The following RIF1 variants were observed in gnomAD, a reference collection of about 807,000 sequenced individuals.
RIF1 encodes replication timing regulatory factor 1, also known as telomere-associated protein RIF1.
In RIF1, 45 loss-of-function variants were observed where a neutral mutation model predicts 247.1. That is an observed-to-expected ratio of 0.18 (90% CI 0.14 to 0.23). The LOEUF (loss-of-function observed/expected upper bound fraction) is 0.23. RIF1 is among the 10% of genes least tolerant of loss of function. The probability of loss-of-function intolerance (pLI) is 1.00; values close to 1 mark genes in which losing one functional copy is unlikely to be tolerated. For synonymous variants in RIF1, 1,087 were observed against 978.8 expected, an observed-to-expected ratio of 1.11 and a Z score of -2.06; for missense variants, 2,967 against 2,862.5, an observed-to-expected ratio of 1.04 and a Z score of -0.83.
chr2:151,443,385 G>A (rs989123319), intron 17 of RIF1, 56 bp downstream of exon 17: 1 of 1,326,768 alleles, frequency 7.5e-7, no homozygotes, highest in African/African-American at 1.5e-5. Flanking sequence ...TAATGAATGA[G>A]ATTATTTATG....
chr2:151,418,640 C>T (rs1316236717), intron 6 of RIF1, among the ~76,000 whole-genome samples: 1 of 151,934 alleles, frequency 6.6e-6, no homozygotes, highest in Admixed American at 6.6e-5. Context: ...TTTGGGAGGC[C>T]CAGGTGGGTG....
intron 20 of RIF1, among the ~76,000 whole-genome samples, chr2:151,449,911 C>T (rs966043864): frequency 1.7e-4 from 25 of 148,538 alleles, no homozygotes; most frequent in Admixed American, 1.2e-3. Flanking sequence ...GGTGCGATCT[C>T]GGCTCACTGC....
At chr2:151,501,962 AC>A in intron 11 of RIF1, among the ~76,000 whole-genome samples, 1 of 152,236 alleles carries the variant, frequency 6.6e-6, no homozygotes, top group East Asian at 1.9e-4. Context: ...TACATAGCAT[AC>A]AAAAAATAGC....
chr2:151,505,678 G>T, intron 12 of RIF1: 1 of 896,226 alleles, frequency 1.1e-6, no homozygotes, highest in Non-Finnish European at 1.8e-6. Flanking sequence ...AATTAACAGT[G>T]TAAATAACGC....
At position 151,491,761 on chromosome 2, in the gene RIF1, G is replaced by A. The variant is rs757107530; in HGVS notation, c.*416-3468G>A. ...TCAAAAACCGAACCAGGATTAGTAC[G>A]CCAGACACGTAAACCTGAAAGGGAA... On this transcript the variant is annotated intron_variant and NMD_transcript_variant, in intron 9 of 13. Transcript: ENST00000454583. The A allele has an allele frequency of 1.8e-5, 29 of 1,588,920 alleles. No homozygotes were observed. The South Asian group carries it at 1.8e-4, about 10-fold the overall frequency.
At chr2:151,453,340 G>GC (rs1381952727) in intron 21 of RIF1, among the ~76,000 whole-genome samples, 3 of 152,104 alleles carry the variant, frequency 2.0e-5, no homozygotes, top group Non-Finnish European at 4.4e-5. Flanking sequence ...ACTTTGAGAG[G>GC]CCGAGGTGGG....
chr2:151,488,532 G>A (rs1276905139), intron 9 of RIF1, among the ~76,000 whole-genome samples: 2 of 151,674 alleles, frequency 1.3e-5, no homozygotes, highest in East Asian at 1.9e-4. Context: ...TGTAGTCCTA[G>A]CTATTCTGGT....
intron 18 of RIF1, 71 bp downstream of exon 18, chr2:151,443,780 A>T (rs1429635842): frequency 1.1e-6 from 1 of 915,094 alleles, no homozygotes; most frequent in East Asian, 2.9e-5. Context: ...TGGGGAAATG[A>T]ATAGAAGTTT....
intron 6 of RIF1, 98 bp from the exon 7 acceptor site, chr2:151,420,091 TG>T: frequency 1.1e-6 from 1 of 920,146 alleles, no homozygotes. Context: ...CTAAAACAAA[TG>T]GGCCGTACTG....
the RIF1 span, among the ~76,000 whole-genome samples, chr2:151,524,988 G>A: frequency 6.6e-6 from 1 of 151,984 alleles, no homozygotes; most frequent in Non-Finnish European, 1.5e-5. Flanking sequence ...CTTTCTAAAA[G>A]TCCCCATTAA....
chr2:151,449,643 G>A (rs774111417), intron 20 of RIF1, among the ~76,000 whole-genome samples: 2 of 152,034 alleles, frequency 1.3e-5, no homozygotes, highest in Non-Finnish European at 2.9e-5. Context: ...TCTTTTCTTG[G>A]TTGGACTTGG....
the RIF1 span, among the ~76,000 whole-genome samples, chr2:151,513,172 G>A: frequency 2.6e-5 from 4 of 152,326 alleles, no homozygotes; most frequent in South Asian, 8.3e-4. Flanking sequence ...ATGAGCATTA[G>A]ACAAGCTAAG....
chr2:151,430,024 CTTT>C (rs762360765), intron 9 of RIF1, among the ~76,000 whole-genome samples: 2 of 145,284 alleles, frequency 1.4e-5, no homozygotes, highest in African/African-American at 5.0e-5. Context: ...TGTATAATAA[CTTT>C]TTTTTTTTTT....
chr2:151,444,793 T>C (rs1574029424), intron 18 of RIF1, among the ~76,000 whole-genome samples: 1 of 152,168 alleles, frequency 6.6e-6, no homozygotes, highest in African/African-American at 2.4e-5. Flanking sequence ...CTGGGATTCA[T>C]TTTTAGAACT....
chr2:151,500,470 A>G (rs1203069483), intron 11 of RIF1, among the ~76,000 whole-genome samples: 1 of 152,124 alleles, frequency 6.6e-6, no homozygotes, highest in African/African-American at 2.4e-5. Flanking sequence ...AATATTAATA[A>G]AAGATAACAT....
chr2:151,426,284 C>T (rs1689087235), intron 8 of RIF1, among the ~76,000 whole-genome samples: 2 of 144,456 alleles, frequency 1.4e-5, no homozygotes, highest in Non-Finnish European at 3.0e-5. Flanking sequence ...AAGCGATTCT[C>T]CTGCCTCAGC....
At chr2:151,457,095 T>G (rs1434145154) in intron 23 of RIF1, among the ~76,000 whole-genome samples, 1 of 152,142 alleles carries the variant, frequency 6.6e-6, no homozygotes, top group Non-Finnish European at 1.5e-5. Context: ...GGGTTTTTTT[T>G]TTTTTAAGGA....
At chr2:151,501,845 G>C in intron 11 of RIF1, among the ~76,000 whole-genome samples, 1 of 152,102 alleles carries the variant, frequency 6.6e-6, no homozygotes. Context: ...GAGAGAGAGA[G>C]ACAGGTAGGT....
intron 20 of RIF1, among the ~76,000 whole-genome samples, chr2:151,449,959 A>G (rs1693999060): frequency 6.7e-6 from 1 of 150,040 alleles, no homozygotes; most frequent in African/African-American, 2.5e-5. Context: ...CTCCTGCCTT[A>G]GCCTCCCTAG....
Sources: allele counts gnomAD v4.1 joint callset (sites outside exome capture counted in the v4.1 genomes callset), GRCh38; gene constraint gnomAD v4.1.1; transcripts MANE v1.5; gene names NCBI Gene and HGNC (gene_info 2026-07-23, HGNC 2026-07-21).